Variants in TNFAIP6 observed in about 807,000 individuals in gnomAD.
TNFAIP6 encodes TNF alpha induced protein 6.
In TNFAIP6, 36 loss-of-function variants were observed where a neutral mutation model predicts 33.7. That is an observed-to-expected ratio of 1.07 (90% CI 0.82 to 1.41). The LOEUF (loss-of-function observed/expected upper bound fraction) is 1.41. TNFAIP6 is among the 40% of genes most tolerant of loss of function. The pLI, the probability that TNFAIP6 is intolerant of heterozygous loss-of-function variation, is 0.00. For synonymous variants in TNFAIP6, 113 were observed against 112.8 expected (o/e 1.00, Z -0.01); for missense variants, 273 against 331.9 (o/e 0.82, Z 1.38).
At chr2:151,375,223 T>G (rs1272539022) in intron 5 of TNFAIP6, among the ~76,000 whole-genome samples, 1 of 150,620 alleles carries the variant, frequency 6.6e-6, no homozygotes, top group East Asian at 1.9e-4. Flanking sequence ...GTGGTGGGGT[T>G]TTATTGGCAC....
chr2:151,363,826 C>A, intron 1 of TNFAIP6, 117 bp from the exon 2 acceptor site: 1 of 1,310,306 alleles, frequency 7.6e-7, no homozygotes, highest in Non-Finnish European at 1.0e-6. Flanking sequence ...GCAGCCAACC[C>A]AGAAAGCCCT....
intron 5 of TNFAIP6, among the ~76,000 whole-genome samples, chr2:151,375,559 T>C (rs1684892115): frequency 6.6e-6 from 1 of 151,916 alleles, no homozygotes; most frequent in Admixed American, 6.6e-5. Context: ...ATACAAAAAA[T>C]TGGCCAGGTG....
At position 151,379,601 on chromosome 2, in the gene TNFAIP6, C is replaced by T; in HGVS notation, c.*68C>T. ...GAATCTTTTGGAACTCCTTTGATCTCACTGTTATTATTAACATTTATTTAT... is the reference window on the plus strand; with the variant it reads ...GAATCTTTTGGAACTCCTTTGATCTTACTGTTATTATTAACATTTATTTAT... On this transcript the variant is annotated 3_prime_UTR_variant, in exon 6 of 6. Coordinates refer to ENST00000243347, the MANE Select transcript of TNFAIP6 (RefSeq NM_007115.4). 1 of 1,090,476 alleles carries T rather than the reference C, an allele frequency of 9.2e-7. No homozygotes were observed. The highest frequency in any genetic ancestry group is 1.6e-5 in the African/African-American group (1 of 61,066). The allele number at this position is 1,090,476 out of a possible 1,614,324, so 67.6% of individuals were successfully genotyped here.
At chr2:151,376,227 CA>C in intron 5 of TNFAIP6, among the ~76,000 whole-genome samples, 1 of 152,122 alleles carries the variant, frequency 6.6e-6, no homozygotes, top group Non-Finnish European at 1.5e-5. Context: ...GCCTGGGCAA[CA>C]AAGTAAGATT....
intron 4 of TNFAIP6, 112 bp downstream of exon 4, chr2:151,370,360 T>C (rs1204659777): frequency 1.3e-6 from 1 of 791,130 alleles, no homozygotes; most frequent in Admixed American, 2.4e-5. Context: ...ATAGTTCTAC[T>C]CTCCTAAAGC....
chr2:151,376,865 C>CTTTTTTTTTTTTTTTTTT (rs71403162), intron 5 of TNFAIP6, among the ~76,000 whole-genome samples: 55 of 114,170 alleles, frequency 4.8e-4, no homozygotes, highest in African/African-American at 1.3e-3. Context: ...TTTTTCTTTT[C>CTTTTTTTTTTTTTTTTTT]TTTTTTTTTT....
rs1298030316 is a variant in TNFAIP6, at chr2:151,363,949, C to A, written c.101C>A (p.Ala34Glu). ...IFHNSIWLERAAGVYHREARS... is the reference protein window; with the variant it reads ...IFHNSIWLEREAGVYHREARS... The stretch of plus-strand genomic sequence containing the variant: ...ACATCATCTGATTTTGCAGAACGAG[C>A]AGCCGGTGTGTACCACAGAGAAGCA... Residue 34 changes from alanine to glutamate, a missense_variant, in exon 2 of 6, where the codon GCA (alanine) becomes GAA (glutamate). Transcript: ENST00000243347. The A allele has an allele frequency of 5.0e-6, 8 of 1,611,736 alleles. No homozygotes were observed. Among genetic ancestry groups the A allele is most frequent in the Admixed American group, 3.4e-5 (2 of 59,130 alleles).
At chr2:151,361,718 T>C (rs3771893) in intron 1 of TNFAIP6, among the ~76,000 whole-genome samples, 27,359 of 151,962 alleles carry the variant, frequency 0.18, 2,788 homozygotes, top group African/African-American at 0.29. Context: ...AAATACCCCG[T>C]GGTATGATGT....
At chr2:151,376,877 T>TTTTTG (rs1684919388) in intron 5 of TNFAIP6, among the ~76,000 whole-genome samples, 6 of 145,924 alleles carry the variant, frequency 4.1e-5, no homozygotes, top group African/African-American at 1.5e-4. Flanking sequence ...TTTTTTTTTT[T>TTTTTG]TTTTTTTTGT....
rs781617088 is a variant in TNFAIP6, at chr2:151,373,520, A to T, written c.624-29A>T. The T allele has an allele frequency of 2.7e-5, 40 of 1,462,392 alleles. No individual in the cohort carries two copies. The South Asian group carries it at 4.1e-4, about 15-fold the overall frequency. The allele number at this position is 1,462,392 out of a possible 1,614,324, so 90.6% of individuals were successfully genotyped here. A position where few individuals can be genotyped will look rare whatever the true frequency, so the allele number is the denominator to read the frequency against. On this transcript the variant is annotated intron_variant, in intron 4 of 5. Coordinates refer to ENST00000243347, the MANE Select transcript of TNFAIP6 (RefSeq NM_007115.4). The stretch of plus-strand genomic sequence containing the variant: ...TAGCTGTATAATATTCATTTGTGTG[A>T]CATCTCTTTTCTAAAAATTCCTTTT...
At chr2:151,381,063 A>G (rs980744617), downstream of TNFAIP6, among the ~76,000 whole-genome samples, 2 of 152,154 alleles carry the variant, frequency 1.3e-5, no homozygotes, top group Non-Finnish European at 1.5e-5. Flanking sequence ...ACACTTTGGG[A>G]TACTGAGTAC....
intron 5 of TNFAIP6, among the ~76,000 whole-genome samples, chr2:151,376,840 G>A (rs1412916218): frequency 2.0e-5 from 3 of 146,484 alleles, no homozygotes; most frequent in Non-Finnish European, 4.5e-5. Flanking sequence ...TTCCTACAGT[G>A]CCAATTTACA....
chr2:151,377,232 G>C (rs2006806), intron 5 of TNFAIP6, among the ~76,000 whole-genome samples: 63,954 of 150,246 alleles, frequency 0.43, 13,971 homozygotes, highest in East Asian at 0.54. Flanking sequence ...TGCAGTGGCA[G>C]GATCTCGGCT....
chr2:151,369,742 T>C (rs1230407955), intron 3 of TNFAIP6, among the ~76,000 whole-genome samples: 1 of 152,150 alleles, frequency 6.6e-6, no homozygotes, highest in Admixed American at 6.6e-5. Context: ...GTCACCGCAC[T>C]CCAGCCTAGG....
At chr2:151,378,825 C>T (rs1684964121) in intron 5 of TNFAIP6, among the ~76,000 whole-genome samples, 1 of 149,300 alleles carries the variant, frequency 6.7e-6, no homozygotes, top group African/African-American at 2.5e-5. Flanking sequence ...GAGGCCAACT[C>T]GGTGGCTCAC....
At chr2:151,359,846 G>A (rs1684596486) in intron 1 of TNFAIP6, among the ~76,000 whole-genome samples, 1 of 152,130 alleles carries the variant, frequency 6.6e-6, no homozygotes. Context: ...GATCCCTAAG[G>A]CTTATTTTAA....
rs746527797 is a variant in TNFAIP6, at chr2:151,377,153, A to ATTTTC, written c.665-2186_665-2182dup. On this transcript the variant is annotated intron_variant, in intron 5 of 5. Coordinates refer to ENST00000243347, the MANE Select transcript of TNFAIP6 (RefSeq NM_007115.4). ...CTTGCCTGGCTGACTCCCAATTTACATTTTCTTTTCTTTTCTTTTCTTTTC... is the reference window on the plus strand; with the variant it reads ...CTTGCCTGGCTGACTCCCAATTTACATTTTCTTTTCTTTTCTTTTCTTTTCTTTTC... Among the ~76,000 whole-genome samples, 170 of 141,120 alleles carry ATTTTC rather than the reference A, an allele frequency of 1.2e-3. 2 individuals are homozygous for ATTTTC. Among genetic ancestry groups the ATTTTC allele is most frequent in the South Asian group, 7.2e-3 (32 of 4,416 alleles). The allele number at this position is 141,120 out of a possible 152,430, so 92.6% of individuals were successfully genotyped here. A position where few individuals can be genotyped will look rare whatever the true frequency, so the allele number is the denominator to read the frequency against.
At chr2:151,370,286 T>A (rs770537878) in intron 4 of TNFAIP6, 38 bp downstream of exon 4, 1 of 1,480,216 alleles carries the variant, frequency 6.8e-7, no homozygotes, top group Non-Finnish European at 9.4e-7. Context: ...TAAATGAACG[T>A]CCAGTATTTT....
intron 1 of TNFAIP6, among the ~76,000 whole-genome samples, chr2:151,362,737 G>A (rs564390982): frequency 3.3e-5 from 5 of 152,098 alleles, no homozygotes; most frequent in African/African-American, 9.6e-5. Flanking sequence ...TGATCCGCCC[G>A]CCTCGGCCTC....
Sources: allele counts gnomAD v4.1 joint callset (sites outside exome capture counted in the v4.1 genomes callset), GRCh38; gene constraint gnomAD v4.1.1; transcripts MANE v1.5; gene names NCBI Gene and HGNC (gene_info 2026-07-23, HGNC 2026-07-21).